CHD7: variants seen among roughly 807,000 people sequenced by gnomAD.
CHD7 encodes the protein ATP-dependent chromatin remodeler CHD7.
In CHD7, 24 loss-of-function variants were observed where a neutral mutation model predicts 307.3. That is an observed-to-expected ratio of 0.08 (90% CI 0.06 to 0.11). The LOEUF (loss-of-function observed/expected upper bound fraction) is 0.11, where lower values mean the gene tolerates loss of function less well. Among genes scored for constraint, CHD7 ranks in the 10% least tolerant of loss-of-function variants. The pLI, the probability that CHD7 is intolerant of heterozygous loss-of-function variation, is 1.00. For synonymous variants in CHD7, 1,363 were observed against 1,349.9 expected, an observed-to-expected ratio of 1.01 and a Z score of -0.21; for missense variants, 3,106 against 3,727.1, an observed-to-expected ratio of 0.83 and a Z score of 4.34.
chr8:60,783,653 A>G (rs551491833), intron 3 of CHD7, among the ~76,000 whole-genome samples: 2 of 152,324 alleles, frequency 1.3e-5, no homozygotes. Context: ...TATAGGCAAC[A>G]GTTATTTTTA....
Position 60,678,810 on chromosome 8 carries a change from G to C in CHD7, c.-447G>C, listed in dbSNP as rs1805406712. 2 of 148,114 alleles carry C rather than the reference G, an allele frequency of 1.4e-5. No homozygotes were observed. The highest frequency in any genetic ancestry group is 3.0e-5 in the Non-Finnish European group (2 of 67,076). 9.2% of individuals were successfully genotyped at this position (148,114 alleles called of 1,614,324 possible). A position where few individuals can be genotyped will look rare whatever the true frequency, so the allele number is the denominator to read the frequency against. On this transcript the variant is annotated 5_prime_UTR_variant, in exon 1 of 38. Transcript: ENST00000423902. ...GGCGGCAGCGGCGGCGGCGGCGGCG[G>C]CGCGGGGGTTGAGTCGTGGTGGTGC...
rs755436726 is a variant in CHD7, at chr8:60,741,403, T to C, written c.-30T>C. On this transcript the variant is annotated 5_prime_UTR_variant, in exon 2 of 38. Transcript: ENST00000423902. ...GAAGCACAGGCAAGCTCCTGAGCTG[T>C]GGTTTGGAGGAGCCGTGTGTTGGAA... 6.5e-7 allele frequency: 1 copy of C among 1,530,868 alleles called. No homozygotes were observed. The highest frequency in any genetic ancestry group is 1.9e-5 in the Admixed American group (1 of 52,880). The allele number at this position is 1,530,868 out of a possible 1,614,324, so 94.8% of individuals were successfully genotyped here. A position where few individuals can be genotyped will look rare whatever the true frequency, so the allele number is the denominator to read the frequency against.
chr8:60,717,020 A>T (rs1349954187), intron 1 of CHD7, among the ~76,000 whole-genome samples: 1 of 142,402 alleles, frequency 7.0e-6, no homozygotes, highest in Non-Finnish European at 1.5e-5. Flanking sequence ...CTCTTGTTAC[A>T]TCTACCTTAA....
At position 60,856,823 on chromosome 8, in the gene CHD7, A is replaced by G. The variant is rs1805740102; in HGVS notation, c.7543A>G (p.Arg2515Gly). 6.3e-7 allele frequency: 1 copy of G among 1,596,644 alleles called. No homozygotes were observed. The change falls in exon 34 of 38, where the codon AGG becomes GGG. Residue 2515 changes from arginine to glycine, a missense_variant. Arg to Gly is a moderately radical substitution (Grantham distance 125). Coordinates refer to ENST00000423902, the MANE Select transcript of CHD7 (RefSeq NM_017780.4). Reference sequence around the variant, plus strand: ...GCCTCCCATGAAGAGGAGGCGGGGAAGGAGGAAAAATGTGGAGGGACTTGA... The same window carrying G: ...GCCTCCCATGAAGAGGAGGCGGGGAGGGAGGAAAAATGTGGAGGGACTTGA... ...GEPPMKRRRGRRKNVEGLDLL... is the reference protein window; with the variant it reads ...GEPPMKRRRGGRKNVEGLDLL...
chr8:60,715,816 C>G (rs541966617), intron 1 of CHD7, among the ~76,000 whole-genome samples: 2 of 152,052 alleles, frequency 1.3e-5, no homozygotes, highest in Non-Finnish European at 2.9e-5. Context: ...TGGAAAAAAA[C>G]CCTAAACTTG....
intron 1 of CHD7, among the ~76,000 whole-genome samples, chr8:60,711,850 TAC>T (rs1316744637): frequency 6.6e-6 from 1 of 152,266 alleles, no homozygotes; most frequent in Non-Finnish European, 1.5e-5. Flanking sequence ...CTGTATGTGA[TAC>T]ATAGTAGCCA....
At position 60,854,467 on chromosome 8, in the gene CHD7, C is replaced by T. The variant is rs767696409; in HGVS notation, c.6880C>T (p.Pro2294Ser). 6.2e-7 allele frequency: 1 copy of T among 1,611,446 alleles called. No individual in the cohort carries two copies. Among genetic ancestry groups the T allele is most frequent in the Admixed American group, 1.7e-5 (1 of 59,876 alleles). Residue 2294 changes from proline to serine, a missense_variant, in exon 32 of 38, where the codon CCT becomes TCT. By Grantham distance (74) the Pro-to-Ser change is moderately conservative. Around this residue, in one of 10 missense-constraint regions of CHD7, gnomAD observed 1,030 missense variants for 1,165.4 expected, o/e 0.88. Coordinates refer to ENST00000423902, the MANE Select transcript of CHD7 (RefSeq NM_017780.4). ...TGGATTCTACATGGAGGACGGAGAT[C>T]CTTCAGTAGCTCAGCTCCTTCATGA... The part of the protein sequence containing the change: ...RDGFYMEDGD[P>S]SVAQLLHERT...
intron 1 of CHD7, among the ~76,000 whole-genome samples, chr8:60,684,957 A>C (rs1460722765): frequency 6.6e-6 from 1 of 152,068 alleles, no homozygotes; most frequent in East Asian, 1.9e-4. Context: ...CAGATTTGAG[A>C]GATATTTAAC....
intron 21 of CHD7, among the ~76,000 whole-genome samples, chr8:60,844,018 A>T (rs1805085745): frequency 6.6e-6 from 1 of 152,202 alleles, no homozygotes; most frequent in Non-Finnish European, 1.5e-5. Flanking sequence ...TCTGCAGCAG[A>T]GGGGCTGTTC....
At position 60,717,019 on chromosome 8, in the gene CHD7, C is replaced by T. The variant is rs572814416; in HGVS notation, c.-174-24240C>T. On this transcript the variant is annotated intron_variant, in intron 1 of 37. Transcript: ENST00000423902. ...ATTACACATTTTTCCCCTCTTGTTA[C>T]ATCTACCTTAAGCCTTTTTTTTTTT... 2.8e-5 allele frequency among the ~76,000 whole-genome samples: 4 copies of T among 143,292 alleles called. No homozygotes were observed. The South Asian group carries it at 9.0e-4, about 32-fold the overall frequency. 94.0% of individuals were successfully genotyped at this position (143,292 alleles called of 152,430 possible). A position where few individuals can be genotyped will look rare whatever the true frequency, so the allele number is the denominator to read the frequency against.
intron 3 of CHD7, among the ~76,000 whole-genome samples, chr8:60,790,176 A>G (rs1811700607): frequency 6.6e-6 from 1 of 152,186 alleles, no homozygotes; most frequent in Non-Finnish European, 1.5e-5. Flanking sequence ...ATGGCTCTAT[A>G]TCTCATTGTC....
intron 2 of CHD7, among the ~76,000 whole-genome samples, chr8:60,750,542 G>A (rs1809589736): frequency 6.6e-6 from 1 of 152,174 alleles, no homozygotes; most frequent in Admixed American, 6.5e-5. Flanking sequence ...AGATTTTCTG[G>A]TAACCACATT....
intron 15 of CHD7, among the ~76,000 whole-genome samples, chr8:60,835,457 A>T (rs1193690063): frequency 6.6e-6 from 1 of 152,220 alleles, no homozygotes; most frequent in East Asian, 1.9e-4. Flanking sequence ...AAATTACCAG[A>T]TGGGAATGAA....
At chr8:60,820,168 T>A in intron 9 of CHD7, 78 bp downstream of exon 9, 6 of 883,408 alleles carry the variant, frequency 6.8e-6, no homozygotes, top group Non-Finnish European at 9.0e-6. Flanking sequence ...GGTAGAATCC[T>A]AGACCTGGTC....
chr8:60,804,643 C>T (rs1586357607), intron 6 of CHD7, among the ~76,000 whole-genome samples: 1 of 152,158 alleles, frequency 6.6e-6, no homozygotes, highest in East Asian at 1.9e-4. Flanking sequence ...TATTGAGGTG[C>T]TTTTTCATTC....
chr8:60,725,131 C>T (rs776424099), intron 1 of CHD7, among the ~76,000 whole-genome samples: 24 of 152,348 alleles, frequency 1.6e-4, no homozygotes, highest in African/African-American at 5.8e-4. Flanking sequence ...GAACACCTAG[C>T]CCAGGGCCTC....
chr8:60,726,276 A>G (rs1247608602), intron 1 of CHD7, among the ~76,000 whole-genome samples: 2 of 152,242 alleles, frequency 1.3e-5, no homozygotes, highest in Non-Finnish European at 2.9e-5. Flanking sequence ...TTGTGAAGCT[A>G]GTAAAGTTAG....
intron 2 of CHD7, among the ~76,000 whole-genome samples, chr8:60,756,546 T>C (rs540988853): frequency 7.2e-5 from 11 of 152,158 alleles, no homozygotes; most frequent in Non-Finnish European, 1.5e-4. Flanking sequence ...GGCACGGTGG[T>C]GTGCACCTGT....
At chr8:60,708,078 C>T (rs929990785) in intron 1 of CHD7, among the ~76,000 whole-genome samples, 4 of 152,076 alleles carry the variant, frequency 2.6e-5, no homozygotes, top group Admixed American at 2.0e-4. Context: ...AAGGGTGGTG[C>T]GTAAAGCAGC....
Sources: allele counts gnomAD v4.1 joint callset (sites outside exome capture counted in the v4.1 genomes callset), GRCh38; gene constraint gnomAD v4.1.1; regional missense constraint gnomAD v4.1.1; transcripts MANE v1.5; gene names NCBI Gene and HGNC (gene_info 2026-07-23, HGNC 2026-07-21).